The following PCDH11Y variants were observed in gnomAD, a reference collection of about 807,000 sequenced individuals.
The protein encoded by PCDH11Y is protocadherin 11 Y-linked.
For synonymous variants in PCDH11Y, 9 were observed against 83.6 expected (o/e 0.11, Z 4.87); for missense variants, 12 against 224.8 (o/e 0.05, Z 6.05).
intron 3 of PCDH11Y, among the ~76,000 whole-genome samples, chrY:5,568,253 G>A: frequency 7.0e-5 from 2 of 28,754 alleles, no homozygotes; most frequent in Admixed American, 6.8e-4. Flanking sequence ...TCACTGAGCT[G>A]GAATGAGTAT....
intron 3 of PCDH11Y, among the ~76,000 whole-genome samples, chrY:5,050,693 T>C: frequency 3.1e-5 from 1 of 32,376 alleles, no homozygotes; most frequent in African/African-American, 1.2e-4. Flanking sequence ...AATAGAAGTA[T>C]TATTTAGCCT....
At chrY:5,205,176 C>T (rs2052930129) in intron 2 of PCDH11Y, among the ~76,000 whole-genome samples, 1 of 27,987 alleles carries the variant, frequency 3.6e-5, no homozygotes, top group African/African-American at 1.4e-4. Flanking sequence ...ACTACATTGG[C>T]CTTGCTGGTC....
intron 2 of PCDH11Y, among the ~76,000 whole-genome samples, chrY:5,212,073 A>C: frequency 9.0e-5 from 3 of 33,271 alleles, no homozygotes; most frequent in Non-Finnish European, 1.5e-4. Flanking sequence ...CATTATTTAT[A>C]TAAAAGCTTT....
intron 1 of PCDH11Y, among the ~76,000 whole-genome samples, chrY:5,073,892 C>T: frequency 3.1e-5 from 1 of 31,763 alleles, no homozygotes; most frequent in Admixed American, 2.9e-4. Flanking sequence ...TTATTAGTTT[C>T]TATACATTTA....
At chrY:5,470,793 C>T in intron 2 of PCDH11Y, among the ~76,000 whole-genome samples, 1 of 31,353 alleles carries the variant, frequency 3.2e-5, no homozygotes, top group African/African-American at 1.2e-4. Context: ...TTTGGTATCT[C>T]ATTATTTAAA....
chrY:5,656,177 G>A, intron 4 of PCDH11Y, among the ~76,000 whole-genome samples: 1 of 32,470 alleles, frequency 3.1e-5, no homozygotes, highest in African/African-American at 1.2e-4. Context: ...CAGTTATGTT[G>A]AACATATTTT....
chrY:5,368,560 C>T, intron 2 of PCDH11Y, among the ~76,000 whole-genome samples: 4 of 33,928 alleles, frequency 1.2e-4, no homozygotes, highest in African/African-American at 3.5e-4. Flanking sequence ...GCTGCAGGGG[C>T]GGGGTCCTCA....
At chrY:5,495,221 A>T in intron 2 of PCDH11Y, among the ~76,000 whole-genome samples, 1 of 33,233 alleles carries the variant, frequency 3.0e-5, no homozygotes, top group African/African-American at 1.2e-4. Context: ...GCTACAAAAT[A>T]AAAAGGCCTG....
At chrY:5,593,179 A>AT (rs2053463726) in intron 4 of PCDH11Y, among the ~76,000 whole-genome samples, 3 of 32,113 alleles carry the variant, frequency 9.3e-5, no homozygotes, top group Non-Finnish European at 2.3e-4. Flanking sequence ...CCATAATTCC[A>AT]TTTTTTTGGA....
chrY:5,729,436 G>A, intron 4 of PCDH11Y, among the ~76,000 whole-genome samples: 1 of 31,225 alleles, frequency 3.2e-5, no homozygotes, highest in Non-Finnish European at 7.8e-5. Context: ...AGAAGTGTCT[G>A]TTTATATTTT....
chrY:5,577,003 A>T, intron 3 of PCDH11Y, among the ~76,000 whole-genome samples: 1 of 32,969 alleles, frequency 3.0e-5, no homozygotes, highest in African/African-American at 1.2e-4. Context: ...AATTCTACTT[A>T]TGTCTCTAAC....
chrY:5,678,486 C>A, intron 4 of PCDH11Y, among the ~76,000 whole-genome samples: 1 of 33,317 alleles, frequency 3.0e-5, no homozygotes, highest in Non-Finnish European at 7.4e-5. Flanking sequence ...ATAATATGAT[C>A]TACATTTCTG....
At chrY:5,367,250 T>C (rs2053181205) in intron 2 of PCDH11Y, among the ~76,000 whole-genome samples, 2 of 32,809 alleles carry the variant, frequency 6.1e-5, no homozygotes, top group Non-Finnish European at 1.5e-4. Context: ...TTATTCATTT[T>C]ACAAATACGG....
chrY:5,158,674 A>T (rs2052872017), intron 2 of PCDH11Y, among the ~76,000 whole-genome samples: 56 of 31,482 alleles, frequency 1.8e-3, no homozygotes, highest in Admixed American at 8.4e-3. Flanking sequence ...TTCAAGTTTT[A>T]AAAAAAGCAC....
At chrY:5,020,888 T>G in intron 1 of PCDH11Y, among the ~76,000 whole-genome samples, 3 of 33,730 alleles carry the variant, frequency 8.9e-5, no homozygotes, top group African/African-American at 3.5e-4. Context: ...TTAGTATTTA[T>G]GGAGAGGCAT....
intron 2 of PCDH11Y, among the ~76,000 whole-genome samples, chrY:5,436,571 C>T (rs2053275408): frequency 3.0e-5 from 1 of 33,089 alleles, no homozygotes; most frequent in Non-Finnish European, 7.5e-5. Flanking sequence ...GGGTTGAGTG[C>T]AATGCAAGGA....
chrY:5,262,903 C>T, intron 2 of PCDH11Y, among the ~76,000 whole-genome samples: 1 of 32,542 alleles, frequency 3.1e-5, no homozygotes, highest in Non-Finnish European at 7.5e-5. Context: ...ATGCTGTGTA[C>T]AGCCCAGGGA....
chrY:5,168,616 A>G (rs2124645303), intron 2 of PCDH11Y, among the ~76,000 whole-genome samples: 1 of 14,338 alleles, frequency 7.0e-5, no homozygotes, highest in East Asian at 1.7e-3. Context: ...TCAGAAGGAT[A>G]GTGTTGTTTT....
intron 4 of PCDH11Y, among the ~76,000 whole-genome samples, chrY:5,695,128 A>G: frequency 6.3e-5 from 2 of 31,656 alleles, no homozygotes; most frequent in Admixed American, 5.9e-4. Context: ...ATATACATAT[A>G]TATAGGTGCT....
Sources: gnomAD v4.1 joint callset for allele counts (sites outside exome capture counted in the v4.1 genomes callset) on GRCh38, gnomAD v4.1.1 for gene constraint, MANE v1.5 for transcripts, NCBI Gene and HGNC (gene_info 2026-07-23, HGNC 2026-07-21) for gene names.